GNG7: variants seen among roughly 807,000 people sequenced by gnomAD.
GNG7 encodes the protein G protein subunit gamma 7.
GNG7 carries 1 observed loss-of-function variant against 4.0 expected under a neutral mutation model. The observed-to-expected ratio is 0.25, with a 90% CI of 0.09 to 1.18. The LOEUF (loss-of-function observed/expected upper bound fraction) is 1.18. GNG7 is among the 50% of genes most tolerant of loss of function. The pLI is 0.50. For synonymous variants in GNG7, 34 were observed against 36.9 expected, an observed-to-expected ratio of 0.92 and a Z score of 0.29; for missense variants, 86 against 91.9, an observed-to-expected ratio of 0.94 and a Z score of 0.26.
In GNG7 at chr19:2,634,715, A is replaced by G. The variant is rs1163042840; in HGVS notation, c.-78+11509T>C. Among the ~76,000 whole-genome samples the G allele has an allele frequency of 6.6e-6, 1 of 152,134 alleles. No homozygotes were observed. Among genetic ancestry groups the G allele is most frequent in the Non-Finnish European group, 1.5e-5 (1 of 68,018 alleles). ...TTCAGGGGAACAACTTGTCCGCGAA[A>G]AGAACTGATAATAACGTGAATTTCA... On this transcript the variant is annotated intron_variant, in intron 2 of 4. Transcript: ENST00000382159. The surrounding 1 kb of genome is among the most constrained non-coding windows in gnomAD (Gnocchi z 5.3).
intron 2 of GNG7, among the ~76,000 whole-genome samples, chr19:2,556,762 T>C (rs1979557192): frequency 6.6e-6 from 1 of 152,050 alleles, no homozygotes; most frequent in Admixed American, 6.5e-5. Context: ...GGGTCTCTCC[T>C]CCCACCCAGC....
chr19:2,572,506 A>G (rs181935390), intron 2 of GNG7, among the ~76,000 whole-genome samples: 53 of 151,496 alleles, frequency 3.5e-4, no homozygotes, highest in Non-Finnish European at 5.9e-4. Flanking sequence ...ATCTCGGCTC[A>G]CTGCAACCTC....
rs3064559 is a variant in GNG7, at chr19:2,609,010, TTCTCTCTC to T, written c.-78+37206_-78+37213del. On this transcript the variant is annotated intron_variant, in intron 2 of 4. Coordinates refer to ENST00000382159, the MANE Select transcript of GNG7 (RefSeq NM_052847.3). The surrounding 1 kb of genome is among the most constrained non-coding windows in gnomAD (Gnocchi z 4.4). ...ATCATGCCTACCTAGTTCTTGTACA[TTCTCTCTC>T]TCTCTCTCTCTCTCTTTTTTTGTTT... 8.0e-5 allele frequency among the ~76,000 whole-genome samples: 12 copies of T among 149,440 alleles called. No individual in the cohort carries two copies. Among genetic ancestry groups the T allele is most frequent in the South Asian group, 2.1e-4 (1 of 4,742 alleles).
chr19:2,687,218 C>T (rs1470238565), intron 1 of GNG7, among the ~76,000 whole-genome samples: 1 of 152,034 alleles, frequency 6.6e-6, no homozygotes, highest in Non-Finnish European at 1.5e-5. Flanking sequence ...CCACTATACT[C>T]AGTTAATTTT....
intron 2 of GNG7, among the ~76,000 whole-genome samples, chr19:2,639,321 C>A (rs377091512): frequency 6.6e-6 from 1 of 151,990 alleles, no homozygotes; most frequent in African/African-American, 2.4e-5. Context: ...TTCAAACAAA[C>A]GTTTATAAAC....
At chr19:2,589,701 T>G (rs1019014790) in intron 2 of GNG7, among the ~76,000 whole-genome samples, 10 of 152,124 alleles carry the variant, frequency 6.6e-5, no homozygotes, top group Non-Finnish European at 1.2e-4. Context: ...TTGTACTAAG[T>G]CCAGGAGCAT....
In GNG7 at chr19:2,657,353, AAAAAAAAAATATATATATATATATATAT is replaced by A. The variant is rs1983011133; in HGVS notation, c.-134-11101_-134-11074del. Among the ~76,000 whole-genome samples the A allele has an allele frequency of 1.9e-4, 4 of 20,764 alleles. 1 individual carries two copies. The highest frequency in any genetic ancestry group is 8.9e-4 in the Admixed American group (1 of 1,128). The allele number at this position is 20,764 out of a possible 152,430, so 13.6% of individuals were successfully genotyped here. On this transcript the variant is annotated intron_variant, in intron 1 of 4. Coordinates refer to ENST00000382159, the MANE Select transcript of GNG7 (RefSeq NM_052847.3). ...CGTCTCAATTAAAAAAAAAAAAAAA[AAAAAAAAAATATATATATATATATATAT>A]ATATATATATATATATATACACATA...
chr19:2,547,485 G>A (rs558682944), intron 3 of GNG7, among the ~76,000 whole-genome samples: 5 of 151,934 alleles, frequency 3.3e-5, no homozygotes, highest in African/African-American at 1.2e-4. Flanking sequence ...GCCTCCTCTC[G>A]TGAGGATCCT....
chr19:2,569,604 GAGACATGAC>G (rs1348889396), intron 2 of GNG7, among the ~76,000 whole-genome samples: 14 of 152,142 alleles, frequency 9.2e-5, no homozygotes, highest in Non-Finnish European at 1.9e-4. Context: ...CAAAAAGTGT[GAGACATGAC>G]AATTATGTCG....
chr19:2,597,365 G>A (rs1466539949), intron 2 of GNG7, among the ~76,000 whole-genome samples: 1 of 152,206 alleles, frequency 6.6e-6, no homozygotes, highest in East Asian at 1.9e-4. Context: ...GGGAGGCCGA[G>A]GCAGGCGGAT....
At chr19:2,524,626 CTA>C (rs751048492) in intron 3 of GNG7, among the ~76,000 whole-genome samples, 1 of 152,276 alleles carries the variant, frequency 6.6e-6, no homozygotes, top group Admixed American at 6.5e-5. Flanking sequence ...GTGCATGTGT[CTA>C]TATGAGTGCA....
chr19:2,620,654 T>C (rs73528617), intron 2 of GNG7, among the ~76,000 whole-genome samples: 31,716 of 151,968 alleles, frequency 0.21, 6,027 homozygotes, highest in African/African-American at 0.51. Flanking sequence ...GGGGTGAGCT[T>C]ATGCCGTCAG....
intron 1 of GNG7, among the ~76,000 whole-genome samples, chr19:2,651,575 C>CT (rs748291961): frequency 2.8e-4 from 35 of 125,186 alleles, no homozygotes; most frequent in African/African-American, 4.0e-4. Context: ...CTCTCTCTCT[C>CT]TTTTTTTTTT....
At chr19:2,684,483 AC>A (rs1337266833) in intron 1 of GNG7, among the ~76,000 whole-genome samples, 1 of 151,870 alleles carries the variant, frequency 6.6e-6, no homozygotes, top group African/African-American at 2.4e-5. Context: ...GACACAAGTG[AC>A]CCTGGACGGA....
chr19:2,675,773 C>T (rs986607769), intron 1 of GNG7, among the ~76,000 whole-genome samples: 1 of 152,130 alleles, frequency 6.6e-6, no homozygotes, highest in Admixed American at 6.6e-5. Context: ...AGGCCAGGGA[C>T]ACTGCTCAGC....
At chr19:2,567,154 A>AAC (rs1568246188) in intron 2 of GNG7, among the ~76,000 whole-genome samples, 182 of 145,928 alleles carry the variant, frequency 1.2e-3, no homozygotes, top group Middle Eastern at 3.6e-3. Flanking sequence ...AAAAAAAAAA[A>AAC]CACAAAAACA....
At chr19:2,678,421 G>C (rs897590856) in intron 1 of GNG7, among the ~76,000 whole-genome samples, 1 of 152,180 alleles carries the variant, frequency 6.6e-6, no homozygotes, top group African/African-American at 2.4e-5. Flanking sequence ...CTTGGGCACG[G>C]AGTCAAAAAA....
chr19:2,569,835 C>A (rs1383523015), intron 2 of GNG7, among the ~76,000 whole-genome samples: 1 of 152,184 alleles, frequency 6.6e-6, no homozygotes, highest in African/African-American at 2.4e-5. Context: ...CACCAGACAT[C>A]TCCCGGTGTC....
In GNG7 at chr19:2,511,848, G is replaced by A; in HGVS notation, c.*3174C>T. 1.0e-6 allele frequency: 1 copy of A among 986,206 alleles called. No homozygotes were observed. The highest frequency in any genetic ancestry group is 1.2e-6 in the Non-Finnish European group (1 of 830,180). The allele number at this position is 986,206 out of a possible 1,614,324, so 61.1% of individuals were successfully genotyped here. ...CTGTGCTTGGCCTGGGGTTACCCCT[G>A]GGGAGGGTGGGAGAGGGGTGAGGGT... On this transcript the variant is annotated 3_prime_UTR_variant, in exon 5 of 5. Coordinates refer to ENST00000382159, the MANE Select transcript of GNG7 (RefSeq NM_052847.3). This position sits in a 1 kb window ranked among gnomAD's most constrained non-coding sequence, Gnocchi z 6.3.
Sources: gnomAD v4.1 joint callset for allele counts (sites outside exome capture counted in the v4.1 genomes callset) on GRCh38, gnomAD v4.1.1 for gene constraint, Gnocchi (gnomAD v3.1) non-coding constraint, MANE v1.5 for transcripts, NCBI Gene and HGNC (gene_info 2026-07-23, HGNC 2026-07-21) for gene names.